Variants in UHRF2 observed in about 807,000 individuals in gnomAD.
UHRF2 encodes the protein E3 ubiquitin-protein ligase UHRF2.
UHRF2 carries 23 observed loss-of-function variants against 96.8 expected under a neutral mutation model. The ratio of observed to expected loss-of-function variants is 0.24; its 90% confidence interval spans 0.17 to 0.34. The LOEUF is 0.34. Among genes scored for constraint, UHRF2 ranks in the 10% least tolerant of loss-of-function variants. The pLI is 1.00. For synonymous variants in UHRF2, 385 were observed against 332.6 expected, an observed-to-expected ratio of 1.16 and a Z score of -1.72; for missense variants, 685 against 981.5, an observed-to-expected ratio of 0.70 and a Z score of 4.04.
intron 12 of UHRF2, chr9:6,499,386 CTT>C (rs1192785697): frequency 6.6e-6 from 1 of 152,250 alleles, no homozygotes; most frequent in Non-Finnish European, 1.5e-5. Flanking sequence ...CTGCCGCTAA[CTT>C]TAGGAGATGA....
At chr9:6,423,634 A>ATTT (rs34676165) in intron 2 of UHRF2, among the ~76,000 whole-genome samples, 106 of 144,042 alleles carry the variant, frequency 7.4e-4, no homozygotes, top group Middle Eastern at 3.5e-3. Flanking sequence ...GTCATTAGTG[A>ATTT]TTTTTTTTTT....
intron 1 of UHRF2, among the ~76,000 whole-genome samples, chr9:6,416,276 A>G (rs1257845705): frequency 6.6e-6 from 1 of 151,908 alleles, no homozygotes. Context: ...TTTGGACACG[A>G]TGGTCTCTAT....
intron 9 of UHRF2, among the ~76,000 whole-genome samples, chr9:6,489,627 T>C (rs879341826): frequency 6.6e-5 from 10 of 152,210 alleles, no homozygotes; most frequent in African/African-American, 1.9e-4. Flanking sequence ...TGTGTTGATA[T>C]CTTATTGTTG....
At chr9:6,444,801 C>A (rs1160829020) in intron 3 of UHRF2, among the ~76,000 whole-genome samples, 1 of 152,098 alleles carries the variant, frequency 6.6e-6, no homozygotes, top group Non-Finnish European at 1.5e-5. Flanking sequence ...CAGGGTTTCA[C>A]CATGTTGGCC....
chr9:6,418,806 A>G (rs953880673), intron 1 of UHRF2, among the ~76,000 whole-genome samples: 1 of 152,212 alleles, frequency 6.6e-6, no homozygotes. Context: ...GTACTAATGT[A>G]CCAAAACCTG....
At chr9:6,443,345 G>A (rs532942891) in intron 3 of UHRF2, among the ~76,000 whole-genome samples, 2 of 152,314 alleles carry the variant, frequency 1.3e-5, no homozygotes, top group East Asian at 3.9e-4. Flanking sequence ...TCAGTGAAGT[G>A]TAGATGTTTT....
intron 4 of UHRF2, among the ~76,000 whole-genome samples, chr9:6,470,831 AAAT>A (rs1823201771): frequency 6.6e-6 from 1 of 152,218 alleles, no homozygotes; most frequent in Non-Finnish European, 1.5e-5. Context: ...GTGAAAAAAT[AAAT>A]ATTAGTCTAA....
chr9:6,453,017 A>ACT (rs1821964002), intron 3 of UHRF2, among the ~76,000 whole-genome samples: 1 of 152,076 alleles, frequency 6.6e-6, no homozygotes, highest in Non-Finnish European at 1.5e-5. Flanking sequence ...CAATTGACTT[A>ACT]CTGTCTCCTT....
intron 4 of UHRF2, among the ~76,000 whole-genome samples, chr9:6,472,627 A>C (rs1475672402): frequency 6.6e-6 from 1 of 152,264 alleles, no homozygotes; most frequent in Non-Finnish European, 1.5e-5. Flanking sequence ...TTTTACATTT[A>C]GAAACAGAAC....
intron 4 of UHRF2, among the ~76,000 whole-genome samples, chr9:6,469,703 T>C (rs1294577832): frequency 7.3e-6 from 1 of 137,394 alleles, no homozygotes; most frequent in Non-Finnish European, 1.5e-5. Context: ...CGTATATACA[T>C]ACATATACAC....
chr9:6,468,488 C>G, intron 4 of UHRF2: 1 of 456,052 alleles, frequency 2.2e-6, no homozygotes, highest in South Asian at 1.5e-5. Flanking sequence ...AGGTAAGAAT[C>G]TCATAAGGCA....
chr9:6,483,516 T>G (rs1242852193), intron 8 of UHRF2, among the ~76,000 whole-genome samples: 1 of 152,088 alleles, frequency 6.6e-6, no homozygotes, highest in Admixed American at 6.6e-5. Context: ...CTGGACAGAT[T>G]CAGTACAGAC....
Position 6,413,433 on chromosome 9 carries a change from C to CGCG in UHRF2, c.-54_-52dup, listed in dbSNP as rs1292458483. On this transcript the variant is annotated 5_prime_UTR_variant, in exon 1 of 16. Transcript: ENST00000276893. ...GGAAAGCGGCGCGGGCCGGGCGGGG[C>CGCG]GCGGCGCCCAGAGCTCAGGGGGAGA... 1.1e-5 allele frequency: 14 copies of CGCG among 1,319,284 alleles called. No homozygotes were observed. Among genetic ancestry groups the CGCG allele is most frequent in the Admixed American group, 2.9e-5 (1 of 33,938 alleles). The allele number at this position is 1,319,284 out of a possible 1,614,324, so 81.7% of individuals were successfully genotyped here.
intron 3 of UHRF2, among the ~76,000 whole-genome samples, chr9:6,455,130 TTTTGTTTG>T (rs138813672): frequency 5.9e-5 from 9 of 152,110 alleles, no homozygotes; most frequent in Non-Finnish European, 7.4e-5. Flanking sequence ...GCAGCAGCTT[TTTTGTTTG>T]TTTGTTTGTT....
chr9:6,437,744 A>G (rs1252167917), intron 3 of UHRF2, among the ~76,000 whole-genome samples: 1 of 152,008 alleles, frequency 6.6e-6, no homozygotes, highest in East Asian at 1.9e-4. Context: ...CAGCCTCCCA[A>G]GAAGCTAGGA....
At position 6,475,380 on chromosome 9, in the gene UHRF2, T is replaced by G. The variant is rs1345149790; in HGVS notation, c.864-11T>G. On this transcript the variant is annotated splice_polypyrimidine_tract_variant and intron_variant, in intron 4 of 15. Transcript: ENST00000276893. Reference sequence around the variant, plus strand: ...CTGGCAGAAGTTAACCTTTCTTCCTTTTTTAAACAGGGGTTCTGAAGGAAC... The same window carrying G: ...CTGGCAGAAGTTAACCTTTCTTCCTGTTTTAAACAGGGGTTCTGAAGGAAC... 4.7e-6 allele frequency: 7 copies of G among 1,502,084 alleles called. No individual in the cohort carries two copies. The highest frequency in any genetic ancestry group is 1.8e-4 in the Middle Eastern group (1 of 5,622). 93.0% of individuals were successfully genotyped at this position (1,502,084 alleles called of 1,614,324 possible).
rs1014745869 is a variant in UHRF2, at chr9:6,426,027, A to G, written c.384+4885A>G. On this transcript the variant is annotated intron_variant, in intron 2 of 15. Transcript: ENST00000276893. ...CATTGACAGGATGGATTTGCTTTCAAAGGAGGGCCAGTTTATGTATCTGCA... is the reference window on the plus strand; with the variant it reads ...CATTGACAGGATGGATTTGCTTTCAGAGGAGGGCCAGTTTATGTATCTGCA... Among the ~76,000 whole-genome samples, 5 of 152,186 alleles carry G rather than the reference A, an allele frequency of 3.3e-5. No individual in the cohort carries two copies. The South Asian group carries it at 8.3e-4, about 25-fold the overall frequency.
rs182529344 is a variant in UHRF2 at position 6,498,295 on chromosome 9, T to C, written c.1908+137T>C. ...GGGGTGAGGAATAAGATCATGCAAA[T>C]AGACAGAGGAAAAGAAGAGAAAAGG... On this transcript the variant is annotated intron_variant, in intron 12 of 15. Transcript: ENST00000276893. 16 of 919,194 alleles carry C rather than the reference T, an allele frequency of 1.7e-5. No individual in the cohort carries two copies. In the East Asian group the frequency reaches 3.0e-4, roughly 17 times the overall value. The allele number at this position is 919,194 out of a possible 1,614,324, so 56.9% of individuals were successfully genotyped here. A position where few individuals can be genotyped will look rare whatever the true frequency, so the allele number is the denominator to read the frequency against.
chr9:6,454,023 A>G (rs1238152452), intron 3 of UHRF2, among the ~76,000 whole-genome samples: 1 of 142,132 alleles, frequency 7.0e-6, no homozygotes, highest in Non-Finnish European at 1.5e-5. Flanking sequence ...ACTAATTGAC[A>G]TTTACTTTAC....
Sources: gnomAD v4.1 joint callset for allele counts (sites outside exome capture counted in the v4.1 genomes callset) on GRCh38, gnomAD v4.1.1 for gene constraint, MANE v1.5 for transcripts, NCBI Gene and HGNC (gene_info 2026-07-23, HGNC 2026-07-21) for gene names.